TBCCD1: variants seen among roughly 807,000 people sequenced by gnomAD.
The protein encoded by TBCCD1 is TBCC domain-containing protein 1.
Under a neutral mutation model 53.4 loss-of-function variants are expected in TBCCD1, and 26 were observed. The observed-to-expected ratio is 0.49, with a 90% CI of 0.36 to 0.68. TBCCD1 has a LOEUF of 0.68. Among genes scored for constraint, TBCCD1 ranks in the 30% least tolerant of loss-of-function variants. TBCCD1 has a pLI of 0.00. For missense variants in TBCCD1, 558 were observed against 669.5 expected (o/e 0.83, Z 1.84); for synonymous variants, 245 against 241.7 (o/e 1.01, Z -0.13).
chr3:186,553,033 A>G (rs1714424249), intron 6 of TBCCD1, among the ~76,000 whole-genome samples: 1 of 152,220 alleles, frequency 6.6e-6, no homozygotes, highest in South Asian at 2.1e-4. Context: ...GGGAAATGAC[A>G]TGATGTAATC....
rs1384787828 is a variant in TBCCD1 at position 186,564,137 on chromosome 3, G to A, written c.193C>T (p.Leu65=). ...STWRHIACGK[L]QLAKDLAWLY... is the part of the protein sequence containing the mutation. ...CACGCCAGGTCCTTGGCCAACTGCA[G>A]CTTCCCACAAGCGATGTGCCTCCAT... is the stretch of plus-strand genomic sequence containing the variant. Residue 65 remains leucine, a synonymous_variant, in exon 2 of 8, where the codon CTG becomes TTG. Transcript: ENST00000338733. 2 of 1,614,062 alleles carry A rather than the reference G, an allele frequency of 1.2e-6. No individual in the cohort carries two copies. Among genetic ancestry groups the A allele is most frequent in the African/African-American group, 2.7e-5 (2 of 74,904 alleles).
At chr3:186,561,934 C>T (rs1374313567) in intron 2 of TBCCD1, among the ~76,000 whole-genome samples, 1 of 152,184 alleles carries the variant, frequency 6.6e-6, no homozygotes, top group African/African-American at 2.4e-5. Context: ...ATGTTCATTG[C>T]AGCATTATTG....
At chr3:186,568,859 C>T (rs1414590777), upstream of TBCCD1, among the ~76,000 whole-genome samples, 2 of 149,620 alleles carry the variant, frequency 1.3e-5, no homozygotes, top group Non-Finnish European at 2.9e-5. Context: ...GCCAAGATCA[C>T]GCTACTGCTC....
chr3:186,556,472 C>A lies in TBCCD1; in HGVS notation c.796G>T (p.Gly266Trp). 6.2e-7 allele frequency: 1 copy of A among 1,608,904 alleles called. No homozygotes were observed. Among genetic ancestry groups the A allele is most frequent in the Non-Finnish European group, 8.5e-7 (1 of 1,178,934 alleles). ...CAAGCTGATGTACCAAATGGATTCC[C>A]AGTCAAACAGGACCTCAACCAGGTT... ...LETWLRSCLT[G>W]NPFGTSACLK... Residue 266 changes from glycine (G) to tryptophan (W), a missense_variant, in exon 4 of 8, where the codon GGG becomes TGG. Gly to Trp is a radical substitution (Grantham distance 184). Coordinates refer to ENST00000338733, the MANE Select transcript of TBCCD1 (RefSeq NM_018138.5).
intron 2 of TBCCD1, among the ~76,000 whole-genome samples, chr3:186,562,503 G>GT (rs1289848244): frequency 6.6e-6 from 1 of 152,190 alleles, no homozygotes; most frequent in East Asian, 1.9e-4. Flanking sequence ...AAAACAGACA[G>GT]AAGGGTGACT....
intron 2 of TBCCD1, among the ~76,000 whole-genome samples, chr3:186,562,703 A>C (rs1714722037): frequency 6.6e-6 from 1 of 151,712 alleles, no homozygotes; most frequent in Non-Finnish European, 1.5e-5. Context: ...ACAGATACAC[A>C]CACAAAATAA....
At chr3:186,563,002 A>G (rs1714729377) in intron 2 of TBCCD1, among the ~76,000 whole-genome samples, 1 of 152,230 alleles carries the variant, frequency 6.6e-6, no homozygotes. Context: ...CACATGTAAA[A>G]TGGGCAAGAA....
At chr3:186,566,932 A>C (rs1199340546) in intron 1 of TBCCD1, among the ~76,000 whole-genome samples, 1 of 152,176 alleles carries the variant, frequency 6.6e-6, no homozygotes, top group African/African-American at 2.4e-5. Flanking sequence ...CTCCATTCTA[A>C]CTCCGAGAAT....
rs200747146 is a variant in TBCCD1 at position 186,551,989 on chromosome 3, G to GTACAA, written c.1545-715_1545-711dup. Reference sequence around the variant, plus strand: ...GAGATGCTGTCTCAAAATAAATACAGTACAATACAATACAATACAATAAAA... The same window carrying GTACAA: ...GAGATGCTGTCTCAAAATAAATACAGTACAATACAATACAATACAATACAATAAAA... On this transcript the variant is annotated intron_variant, in intron 6 of 7. Transcript: ENST00000338733. Among the ~76,000 whole-genome samples, 1,402 of 151,866 alleles carry GTACAA rather than the reference G, an allele frequency of 9.2e-3. 11 individuals carry two copies. Among genetic ancestry groups the GTACAA allele is most frequent in the Non-Finnish European group, 0.016 (1,071 of 67,900 alleles).
chr3:186,568,625 G>T (rs888721245), upstream of TBCCD1, among the ~76,000 whole-genome samples: 2 of 152,192 alleles, frequency 1.3e-5, no homozygotes, highest in Admixed American at 6.5e-5. Flanking sequence ...AGGAGGCCGG[G>T]CGTGGTGGCT....
chr3:186,552,212 A>G (rs1714401330), intron 6 of TBCCD1, among the ~76,000 whole-genome samples: 1 of 152,156 alleles, frequency 6.6e-6, no homozygotes, highest in South Asian at 2.1e-4. Flanking sequence ...CAGGCAGAAG[A>G]GACCAAAAAA....
chr3:186,564,057 C>T lies in TBCCD1; in HGVS notation c.273G>A (p.Leu91=), dbSNP rs199581829. 2.7e-4 allele frequency: 441 copies of T among 1,614,020 alleles called. 2 individuals are homozygous for T. Among genetic ancestry groups the T allele is most frequent in the Middle Eastern group, 3.3e-4 (2 of 6,084 alleles). ...SLSMKTPEER[L]EWSEVLSNCM... is the part of the protein sequence containing the mutation. ...AGTTGGACAGAACCTCAGACCATTC[C>T]AGGCGCTCCTCAGGTGTCTTCATTG... is the stretch of plus-strand genomic sequence containing the variant. Residue 91 remains leucine, a synonymous_variant, in exon 2 of 8, where the codon CTG becomes CTA. Transcript: ENST00000338733.
chr3:186,555,121 C>T (rs912525805), intron 4 of TBCCD1, 37 bp from the exon 5 acceptor site: 2 of 1,547,540 alleles, frequency 1.3e-6, no homozygotes, highest in Non-Finnish European at 1.7e-6. Flanking sequence ...GAGGCAGTAT[C>T]AAATCAAAGA....
chr3:186,570,151 T>A (rs1237782925), upstream of TBCCD1: 4 of 702,506 alleles, frequency 5.7e-6, no homozygotes, highest in Non-Finnish European at 1.0e-5. Flanking sequence ...AGTCGGTCTG[T>A]CATCACTGTA....
chr3:186,561,544 C>G (rs912574121), intron 2 of TBCCD1, among the ~76,000 whole-genome samples: 5 of 152,190 alleles, frequency 3.3e-5, no homozygotes, highest in African/African-American at 7.2e-5. Flanking sequence ...AATCCCAGCA[C>G]TTTGGGAGGC....
intron 7 of TBCCD1, among the ~76,000 whole-genome samples, chr3:186,550,611 G>A (rs1397513990): frequency 2.0e-5 from 3 of 151,786 alleles, no homozygotes; most frequent in Non-Finnish European, 4.4e-5. Flanking sequence ...AATACCATAT[G>A]TCTGGATTAA....
Position 186,564,000 on chromosome 3 carries a change from T to C in TBCCD1, c.330A>G (p.Arg110=), listed in dbSNP as rs1304462855. Residue 110 remains arginine (R), a synonymous_variant, in exon 2 of 8, where the codon AGA becomes AGG. Coordinates refer to ENST00000338733, the MANE Select transcript of TBCCD1 (RefSeq NM_018138.5). ...CMSEEEVEKQ[R]NQLSVDTLQF... Reference sequence around the variant, plus strand: ...CACACATATCAATCCGTACCTGATTTCTCTGCTTTTCAACTTCCTCCTCAG... The same window carrying C: ...CACACATATCAATCCGTACCTGATTCCTCTGCTTTTCAACTTCCTCCTCAG... 2.5e-6 allele frequency: 4 copies of C among 1,607,298 alleles called. No homozygotes were observed. The highest frequency in any genetic ancestry group is 3.4e-6 in the Non-Finnish European group (4 of 1,176,342).
Position 186,554,988 on chromosome 3 carries a change from G to A in TBCCD1, c.956C>T (p.Thr319Ile), listed in dbSNP as rs1161356993. The change falls in exon 5 of 8, where the codon ACA becomes ATA. Residue 319 changes from threonine (T) to isoleucine (I), a missense_variant. Transcript: ENST00000338733. ...LVVMSQVYKQ[T>I]LAKSSDTLAG... ...CAGAGTGTCTGAGCTCTTAGCCAGTGTCTGCTTGTAAACCTGGCTCATCAC... is the reference window on the plus strand; with the variant it reads ...CAGAGTGTCTGAGCTCTTAGCCAGTATCTGCTTGTAAACCTGGCTCATCAC... The A allele has an allele frequency of 6.2e-7, 1 of 1,613,922 alleles. No homozygotes were observed. The highest frequency in any genetic ancestry group is 8.5e-7 in the Non-Finnish European group (1 of 1,180,044).
rs777643457 is a variant in TBCCD1 at position 186,554,313 on chromosome 3, A to G, written c.1485T>C (p.Gly495=). ...GLPSVYQKAL[G]QREQKIQIWQ... ...AGATCTGTATCTTCTGTTCTCTTTG[A>G]CCCAGTGCTTTCTGATATACAGATG... The change falls in exon 6 of 8, where the codon GGT becomes GGC. Residue 495 remains glycine (G), a synonymous_variant. Transcript: ENST00000338733. The G allele has an allele frequency of 2.6e-5, 42 of 1,614,010 alleles. No homozygotes were observed. The highest frequency in any genetic ancestry group is 6.7e-5 in the Admixed American group (4 of 59,982).
Sources: gnomAD v4.1 joint callset for allele counts (sites outside exome capture counted in the v4.1 genomes callset) on GRCh38, gnomAD v4.1.1 for gene constraint, MANE v1.5 for transcripts, NCBI Gene and HGNC (gene_info 2026-07-23, HGNC 2026-07-21) for gene names.